MYT1: variants seen among roughly 807,000 people sequenced by gnomAD.
The protein encoded by MYT1 is myelin transcription factor 1.
A neutral mutation model predicts 123.0 loss-of-function variants in MYT1; 23 were observed. The observed-to-expected ratio is 0.19, with a 90% confidence interval of 0.13 to 0.26. The LOEUF (loss-of-function observed/expected upper bound fraction) is 0.26. Ranked by LOEUF, MYT1 falls within the 10% of genes least tolerant of loss-of-function variation. The pLI, the probability that MYT1 is intolerant of heterozygous loss-of-function variation, is 1.00. For missense variants in MYT1, 1,125 were observed against 1,472.5 expected, an observed-to-expected ratio of 0.76 and a Z score of 3.86; for synonymous variants, 518 against 575.3, an observed-to-expected ratio of 0.90 and a Z score of 1.43.
chr20:64,212,984 GA>G lies in MYT1; in HGVS notation c.1518-549del, dbSNP rs1007067741. On this transcript the variant is annotated intron_variant, in intron 9 of 22. Coordinates refer to ENST00000328439, the MANE Select transcript of MYT1 (RefSeq NM_004535.3). This position sits in a 1 kb window ranked among gnomAD's most constrained non-coding sequence, Gnocchi z 6.8. ...TGGGCTGGCTGAGGGACTGGCGCTG[GA>G]GCTCACAGTTAACTTTATTCTGACA... 2.0e-5 allele frequency among the ~76,000 whole-genome samples: 3 copies of G among 152,164 alleles called. No homozygotes were observed. The highest frequency in any genetic ancestry group is 4.4e-5 in the Non-Finnish European group (3 of 68,016).
chr20:64,172,372 C>A (rs758463206), intron 1 of MYT1, among the ~76,000 whole-genome samples: 1 of 152,166 alleles, frequency 6.6e-6, no homozygotes, highest in African/African-American at 2.4e-5. Flanking sequence ...AGCCAAAATC[C>A]CCAAGGGCTT....
chr20:64,240,557 G>A lies in MYT1; in HGVS notation c.*109G>A, dbSNP rs1244413742. 2.1e-6 allele frequency: 3 copies of A among 1,424,674 alleles called. No individual in the cohort carries two copies. Among genetic ancestry groups the A allele is most frequent in the Admixed American group, 2.7e-5 (1 of 36,408 alleles). 88.3% of individuals were successfully genotyped at this position (1,424,674 alleles called of 1,614,324 possible). ...ACAGTGACTTCCCGTTTGGGGCCCGGTGTGGCCGCGGGCGGGTTTATCCAA... is the reference window on the plus strand; with the variant it reads ...ACAGTGACTTCCCGTTTGGGGCCCGATGTGGCCGCGGGCGGGTTTATCCAA... On this transcript the variant is annotated 3_prime_UTR_variant, in exon 23 of 23. Coordinates refer to ENST00000328439, the MANE Select transcript of MYT1 (RefSeq NM_004535.3).
intron 10 of MYT1, among the ~76,000 whole-genome samples, chr20:64,214,336 C>G (rs151298509): frequency 2.0e-5 from 3 of 152,110 alleles, no homozygotes; most frequent in African/African-American, 7.2e-5. Context: ...CATGTTCACA[C>G]GCCTGTTTGT....
chr20:64,204,993 G>A, intron 4 of MYT1, 42 bp from the exon 5 acceptor site: 1 of 1,603,086 alleles, frequency 6.2e-7, no homozygotes, highest in South Asian at 1.1e-5. Flanking sequence ...TGAGATCTGA[G>A]CCCATCGCCT....
At chr20:64,172,749 T>TTTG (rs1346369001) in intron 1 of MYT1, among the ~76,000 whole-genome samples, 1 of 142,876 alleles carries the variant, frequency 7.0e-6, no homozygotes, top group African/African-American at 2.6e-5. Flanking sequence ...CTCTTTTTTT[T>TTTG]TTTTTTTTTT....
intron 20 of MYT1, 22 bp from the exon 21 acceptor site, chr20:64,237,265 C>T (rs754615264): frequency 6.2e-7 from 1 of 1,602,666 alleles, no homozygotes; most frequent in South Asian, 1.1e-5. Context: ...AAAGCCACAA[C>T]TGAGGTTTCT....
intron 16 of MYT1, 99 bp downstream of exon 16, chr20:64,223,458 C>A: frequency 7.4e-7 from 1 of 1,343,738 alleles, no homozygotes; most frequent in Non-Finnish European, 1.1e-6. Flanking sequence ...TCCAAGGTGC[C>A]AAGCCTCAGC....
chr20:64,219,783 A>G lies in MYT1; in HGVS notation c.2042A>G (p.Asn681Ser), dbSNP rs899101755. ...LSMHKHRKRENAFPSSSSCSS... is the reference protein window; with the variant it reads ...LSMHKHRKRESAFPSSSSCSS... ...ATGCACAAACACCGCAAACGAGAAA[A>G]TGCTTTCCCCAGCAGCAGCAGCTGC... is the stretch of plus-strand genomic sequence containing the variant. Residue 681 changes from asparagine to serine, a missense_variant, in exon 13 of 23, where the codon AAT becomes AGT. Asn to Ser is a conservative substitution (Grantham distance 46). This residue lies in a region of MYT1 where 429 missense variants were observed against 604.1 expected (regional missense o/e 0.71). Transcript: ENST00000328439. The G allele has an allele frequency of 5.0e-6, 8 of 1,614,046 alleles. No homozygotes were observed. In the African/African-American group the frequency reaches 6.7e-5, roughly 13 times the overall value.
At chr20:64,194,823 A>G (rs369773246) in intron 2 of MYT1, among the ~76,000 whole-genome samples, 23 of 152,296 alleles carry the variant, frequency 1.5e-4, no homozygotes, top group African/African-American at 4.8e-4. Flanking sequence ...ATATCTTTGG[A>G]AGCTGAGTCT....
At chr20:64,215,347 G>C (rs947743880) in intron 10 of MYT1, among the ~76,000 whole-genome samples, 1 of 152,146 alleles carries the variant, frequency 6.6e-6, no homozygotes, top group Non-Finnish European at 1.5e-5. Context: ...ACACTCTGCC[G>C]CCCTCAGCCC....
At chr20:64,194,685 G>A (rs539333004) in intron 2 of MYT1, among the ~76,000 whole-genome samples, 33 of 152,352 alleles carry the variant, frequency 2.2e-4, no homozygotes, top group Non-Finnish European at 4.3e-4. Flanking sequence ...GGGAGTCCGT[G>A]AGTGAGTGAG....
chr20:64,179,083 G>A (rs1378092971), intron 1 of MYT1, among the ~76,000 whole-genome samples: 2 of 147,736 alleles, frequency 1.4e-5, no homozygotes, highest in African/African-American at 5.2e-5. Flanking sequence ...CAACGTGGGA[G>A]CACTGAGCCG....
rs1233502236 is a variant in MYT1 at position 64,213,023 on chromosome 20, G to C, written c.1518-511G>C. 6.6e-6 allele frequency among the ~76,000 whole-genome samples: 1 copy of C among 152,202 alleles called. No homozygotes were observed. Among genetic ancestry groups the C allele is most frequent in the Non-Finnish European group, 1.5e-5 (1 of 68,020 alleles). On this transcript the variant is annotated intron_variant, in intron 9 of 22. Coordinates refer to ENST00000328439, the MANE Select transcript of MYT1 (RefSeq NM_004535.3). This position sits in a 1 kb window ranked among gnomAD's most constrained non-coding sequence, Gnocchi z 5.6. Reference sequence around the variant, plus strand: ...CTTTATTCTGACAGATGAAGCTGCTGCCTCCGTGTCTTAGACTGAGTACTT... The same window carrying C: ...CTTTATTCTGACAGATGAAGCTGCTCCCTCCGTGTCTTAGACTGAGTACTT...
rs778379371 is a variant in MYT1 at position 64,212,005 on chromosome 20, T to C, written c.1427-43T>C. On this transcript the variant is annotated intron_variant, in intron 8 of 22. Transcript: ENST00000328439. The surrounding 1 kb of genome is among the most constrained non-coding windows in gnomAD (Gnocchi z 6.8). The stretch of plus-strand genomic sequence containing the variant: ...CCCACACAGCTGGCGCTCCCCAGAT[T>C]CTCTGACAGCCTCGGCTCCCTCCAC... 6.4e-7 allele frequency: 1 copy of C among 1,552,114 alleles called. No individual in the cohort carries two copies. Among genetic ancestry groups the C allele is most frequent in the Non-Finnish European group, 8.9e-7 (1 of 1,125,514 alleles).
chr20:64,193,942 G>T lies in MYT1; in HGVS notation c.-1+3782G>T, dbSNP rs1321050106. Among the ~76,000 whole-genome samples, 2 of 152,166 alleles carry T rather than the reference G, an allele frequency of 1.3e-5. No individual in the cohort carries two copies. The highest frequency in any genetic ancestry group is 2.4e-5 in the African/African-American group (1 of 41,426). ...TCTCCTTCTCTGGCCCAGCGCTGGG[G>T]TGAATGGCCCCCGTGGTGTCAGAAT... On this transcript the variant is annotated intron_variant, in intron 2 of 22. Coordinates refer to ENST00000328439, the MANE Select transcript of MYT1 (RefSeq NM_004535.3). This position sits in a 1 kb window ranked among gnomAD's most constrained non-coding sequence, Gnocchi z 4.0.
intron 10 of MYT1, 81 bp from the exon 11 acceptor site, chr20:64,216,986 C>A: frequency 7.4e-7 from 1 of 1,350,768 alleles, no homozygotes; most frequent in Admixed American, 1.7e-5. Context: ...CCTGCCTGGG[C>A]TGCAGATTGG....
At chr20:64,182,317 G>A (rs1982677876) in intron 1 of MYT1, among the ~76,000 whole-genome samples, 1 of 152,204 alleles carries the variant, frequency 6.6e-6, no homozygotes, top group African/African-American at 2.4e-5. Flanking sequence ...GGTGTCCCAG[G>A]GCGTGGCAGG....
chr20:64,208,467 G>A lies in MYT1; in HGVS notation c.1271G>A (p.Arg424Gln), dbSNP rs147038340. The part of the protein sequence containing the change: ...GKAAKPLDTV[R>Q]KSYYSKDPSR... ...GCAGCAAAGCCCCTGGACACTGTGC[G>A]GAAGAGTTACTACAGTAAAGGTAGG... Residue 424 changes from arginine (R) to glutamine (Q), a missense_variant, in exon 7 of 23, where the codon CGG becomes CAG. Around this residue, in one of 4 missense-constraint regions of MYT1, gnomAD observed 429 missense variants for 604.1 expected, o/e 0.71. Coordinates refer to ENST00000328439, the MANE Select transcript of MYT1 (RefSeq NM_004535.3). The surrounding 1 kb of genome is among the most constrained non-coding windows in gnomAD (Gnocchi z 5.4). The A allele has an allele frequency of 1.2e-4, 188 of 1,607,338 alleles. No individual in the cohort carries two copies. In the African/African-American group the frequency reaches 2.1e-3, roughly 18 times the overall value.
At chr20:64,222,368 C>T (rs1279230990) in intron 14 of MYT1, among the ~76,000 whole-genome samples, 2 of 152,204 alleles carry the variant, frequency 1.3e-5, no homozygotes, top group African/African-American at 2.4e-5. Context: ...AGGAAGCCCT[C>T]GGGGCACCCA....
Sources: gnomAD v4.1 joint callset for allele counts (sites outside exome capture counted in the v4.1 genomes callset) on GRCh38, gnomAD v4.1.1 for gene constraint, gnomAD v4.1.1 regional missense constraint, Gnocchi (gnomAD v3.1) non-coding constraint, MANE v1.5 for transcripts, NCBI Gene and HGNC (gene_info 2026-07-23, HGNC 2026-07-21) for gene names.